Variants in OXR1 observed in about 807,000 individuals in gnomAD.
The protein encoded by OXR1 is oxidation resistance protein 1.
OXR1 carries 41 observed loss-of-function variants against 104.6 expected under a neutral mutation model. The observed-to-expected ratio is 0.39, with a 90% CI of 0.31 to 0.51. The LOEUF (loss-of-function observed/expected upper bound fraction) is 0.51. OXR1 is among the 20% of genes least tolerant of loss of function. OXR1 has a pLI of 0.77. For missense variants in OXR1, 955 were observed against 1,031.9 expected, an observed-to-expected ratio of 0.93 and a Z score of 1.02; for synonymous variants, 348 against 348.4, an observed-to-expected ratio of 1.00 and a Z score of 0.01.
At chr8:106,671,449 A>C (rs1360537512) in intron 3 of OXR1, among the ~76,000 whole-genome samples, 2 of 152,168 alleles carry the variant, frequency 1.3e-5, no homozygotes, top group Admixed American at 6.5e-5. Flanking sequence ...TGGCAGTGGC[A>C]GACAGTTTTT....
At chr8:106,631,992 T>C (rs1822726456) in intron 3 of OXR1, among the ~76,000 whole-genome samples, 1 of 152,156 alleles carries the variant, frequency 6.6e-6, no homozygotes, top group Non-Finnish European at 1.5e-5. Context: ...TCAGAGGCCC[T>C]GGGAATATTT....
intron 3 of OXR1, among the ~76,000 whole-genome samples, chr8:106,524,398 C>A (rs1813496676): frequency 6.6e-6 from 1 of 152,224 alleles, no homozygotes; most frequent in Non-Finnish European, 1.5e-5. Flanking sequence ...TGATTCCTCA[C>A]TTCAGGGAAC....
intron 2 of OXR1, among the ~76,000 whole-genome samples, chr8:106,432,970 T>A (rs988108250): frequency 3.3e-5 from 5 of 152,198 alleles, no homozygotes; most frequent in African/African-American, 1.2e-4. Flanking sequence ...ATATTGAGAT[T>A]GATCTATAAC....
At chr8:106,322,015 GA>G (rs1206278525) in intron 1 of OXR1, among the ~76,000 whole-genome samples, 1 of 152,076 alleles carries the variant, frequency 6.6e-6, no homozygotes, top group Non-Finnish European at 1.5e-5. Context: ...TGATGCAGAG[GA>G]AAAAACTAAA....
At chr8:106,296,229 A>G (rs1274389994) in intron 1 of OXR1, among the ~76,000 whole-genome samples, 1 of 152,140 alleles carries the variant, frequency 6.6e-6, no homozygotes, top group South Asian at 2.1e-4. Flanking sequence ...GAAGCAATCA[A>G]TTGTTCTATC....
intron 2 of OXR1, among the ~76,000 whole-genome samples, chr8:106,454,793 T>C (rs1350101618): frequency 6.6e-6 from 1 of 152,158 alleles, no homozygotes; most frequent in Non-Finnish European, 1.5e-5. Context: ...CTATGAGATT[T>C]TGTGAACTGG....
chr8:106,706,649 T>A lies in OXR1; in HGVS notation c.1128T>A (p.Ala376=), dbSNP rs745457393. 6.2e-7 allele frequency: 1 copy of A among 1,613,668 alleles called. No homozygotes were observed. Among genetic ancestry groups the A allele is most frequent in the Non-Finnish European group, 8.5e-7 (1 of 1,179,870 alleles). ...AATCTGTGCAAACTGTCAATCAGGCTGAAGTAGAAAGTCTGACAGTCAAAT... is the reference window on the plus strand; with the variant it reads ...AATCTGTGCAAACTGTCAATCAGGCAGAAGTAGAAAGTCTGACAGTCAAAT... ...SSESVQTVNQ[A]EVESLTVKSE... The change falls in exon 9 of 17, where the codon GCT becomes GCA. Residue 376 remains alanine (A), a synonymous_variant. Coordinates refer to ENST00000517566, the MANE Select transcript of OXR1 (RefSeq NM_001198533.2).
At chr8:106,526,589 C>T (rs1017020493) in intron 3 of OXR1, among the ~76,000 whole-genome samples, 1 of 152,238 alleles carries the variant, frequency 6.6e-6, no homozygotes, top group Non-Finnish European at 1.5e-5. Context: ...GTCGCCCAGG[C>T]TGGAGTGCAG....
At chr8:106,603,614 T>C (rs1455511174) in intron 3 of OXR1, among the ~76,000 whole-genome samples, 2 of 152,228 alleles carry the variant, frequency 1.3e-5, no homozygotes, top group African/African-American at 4.8e-5. Flanking sequence ...TGTTATTTTG[T>C]TTTTGTTGCT....
rs1812703987 is a variant in OXR1, at chr8:106,290,575, T to C, written c.-139+20208T>C. On this transcript the variant is annotated intron_variant, in intron 1 of 16. Transcript: ENST00000517566. The stretch of plus-strand genomic sequence containing the variant: ...CAACAAAGGTCTAATGTCCAAAGTC[T>C]ATAAGGAACTTAAATCAATAGCCAA... Among the ~76,000 whole-genome samples, 4 of 152,106 alleles carry C rather than the reference T, an allele frequency of 2.6e-5. No individual in the cohort carries two copies. In the South Asian group the frequency reaches 8.3e-4, roughly 32 times the overall value.
intron 2 of OXR1, among the ~76,000 whole-genome samples, chr8:106,455,028 G>C (rs879528322): frequency 2.0e-5 from 3 of 152,106 alleles, no homozygotes; most frequent in Non-Finnish European, 2.9e-5. Flanking sequence ...CTTGCACACA[G>C]CTATTATTTG....
chr8:106,317,269 G>A (rs1174454099), intron 1 of OXR1, among the ~76,000 whole-genome samples: 1 of 152,106 alleles, frequency 6.6e-6, no homozygotes, highest in East Asian at 1.9e-4. Flanking sequence ...GCTGTGAGGG[G>A]CAAAAACATA....
chr8:106,273,979 C>G (rs1031832328), intron 1 of OXR1, among the ~76,000 whole-genome samples: 12 of 152,090 alleles, frequency 7.9e-5, no homozygotes, highest in African/African-American at 2.9e-4. Flanking sequence ...ATTTTTAATT[C>G]AAATGAATTT....
chr8:106,496,505 C>G (rs1426631516), intron 2 of OXR1, among the ~76,000 whole-genome samples: 1 of 152,192 alleles, frequency 6.6e-6, no homozygotes, highest in African/African-American at 2.4e-5. Flanking sequence ...AATCCAGGAA[C>G]CTGGTTGACA....
intron 2 of OXR1, among the ~76,000 whole-genome samples, chr8:106,496,940 G>A (rs1352103975): frequency 1.3e-5 from 2 of 152,156 alleles, no homozygotes; most frequent in African/African-American, 4.8e-5. Flanking sequence ...GACTGGGAGG[G>A]TCAAGGAAGG....
At chr8:106,579,189 G>T (rs1818067255) in intron 3 of OXR1, among the ~76,000 whole-genome samples, 1 of 151,990 alleles carries the variant, frequency 6.6e-6, no homozygotes, top group South Asian at 2.1e-4. Context: ...CTTACAGTTT[G>T]GGTTTCATTG....
At chr8:106,435,679 A>T (rs1819540875) in intron 2 of OXR1, among the ~76,000 whole-genome samples, 1 of 152,148 alleles carries the variant, frequency 6.6e-6, no homozygotes. Context: ...GACGTGAAAT[A>T]AGAGTGATAC....
chr8:106,560,241 A>T (rs139905054), intron 3 of OXR1, among the ~76,000 whole-genome samples: 1 of 152,332 alleles, frequency 6.6e-6, no homozygotes, highest in African/African-American at 2.4e-5. Context: ...ATGCAGTTGT[A>T]AAAGGGCACT....
chr8:106,583,245 T>C (rs1225695144), intron 3 of OXR1, among the ~76,000 whole-genome samples: 1 of 152,140 alleles, frequency 6.6e-6, no homozygotes, highest in Non-Finnish European at 1.5e-5. Context: ...TCCCCAAAAT[T>C]TACTCTCATT....
Sources: allele counts gnomAD v4.1 joint callset (sites outside exome capture counted in the v4.1 genomes callset), GRCh38; gene constraint gnomAD v4.1.1; transcripts MANE v1.5; gene names NCBI Gene and HGNC (gene_info 2026-07-23, HGNC 2026-07-21).